ALPK2: variants seen among roughly 807,000 people sequenced by gnomAD.
ALPK2 encodes the protein alpha-protein kinase 2.
A neutral mutation model predicts 163.1 loss-of-function variants in ALPK2; 127 were observed. That is an observed-to-expected ratio of 0.78 (90% CI 0.67 to 0.90). The LOEUF (loss-of-function observed/expected upper bound fraction) is 0.90. ALPK2 is among the 40% of genes least tolerant of loss of function. ALPK2 has a pLI of 0.00. For synonymous variants in ALPK2, 953 were observed against 959.1 expected, an observed-to-expected ratio of 0.99 and a Z score of 0.12; for missense variants, 2,360 against 2,589.6, an observed-to-expected ratio of 0.91 and a Z score of 1.92.
chr18:58,522,719 A>G (rs1187214934), intron 8 of ALPK2, among the ~76,000 whole-genome samples: 1 of 152,126 alleles, frequency 6.6e-6, no homozygotes, highest in Non-Finnish European at 1.5e-5. Flanking sequence ...TCCCATGCAG[A>G]AGGGCTGAAT....
chr18:58,535,469 A>G lies in ALPK2; in HGVS notation c.4718T>C (p.Val1573Ala), dbSNP rs773245029. Residue 1573 changes from valine (V) to alanine (A), a missense_variant, in exon 5 of 13, where the codon GTT (valine) becomes GCT (alanine). Coordinates refer to ENST00000361673, the MANE Select transcript of ALPK2 (RefSeq NM_052947.4). Reference sequence around the variant, plus strand: ...CACATACTGACGCTTTCTGGGCTCAACTATGTCATTTTCAGGGACGTCATG... The same window carrying G: ...CACATACTGACGCTTTCTGGGCTCAGCTATGTCATTTTCAGGGACGTCATG... ...QIHDVPENDIVEPRKRQYVFP... is the reference protein window; with the variant it reads ...QIHDVPENDIAEPRKRQYVFP... 1.5e-5 allele frequency: 25 copies of G among 1,614,076 alleles called. No individual in the cohort carries two copies. Among genetic ancestry groups the G allele is most frequent in the Non-Finnish European group, 2.1e-5 (25 of 1,180,032 alleles).
chr18:58,548,973 T>C (rs2051735005), intron 4 of ALPK2, among the ~76,000 whole-genome samples: 1 of 152,204 alleles, frequency 6.6e-6, no homozygotes, highest in Non-Finnish European at 1.5e-5. Context: ...ATTGATCTCC[T>C]ACCTGAAAAT....
intron 12 of ALPK2, among the ~76,000 whole-genome samples, chr18:58,483,995 G>A (rs754797235): frequency 6.6e-6 from 1 of 152,088 alleles, no homozygotes; most frequent in African/African-American, 2.4e-5. Context: ...TCTGTGAGTG[G>A]ATGAGATGGT....
intron 4 of ALPK2, chr18:58,543,270 T>C (rs2051700433): frequency 1.3e-6 from 1 of 799,532 alleles, no homozygotes; most frequent in African/African-American, 1.9e-5. Context: ...CTGTAAGAAA[T>C]ACATTTCTTT....
Position 58,498,112 on chromosome 18 carries a change from A to T in ALPK2, c.6248-15T>A. 6.2e-7 allele frequency: 1 copy of T among 1,614,050 alleles called. No homozygotes were observed. The highest frequency in any genetic ancestry group is 8.5e-7 in the Non-Finnish European group (1 of 1,179,928). On this transcript the variant is annotated splice_polypyrimidine_tract_variant and intron_variant, in intron 11 of 12. Transcript: ENST00000361673. ...CATTCCTACACCTACAGGAAGAGAA[A>T]GCAAAGATGGGAGTTTGTGTTACTC...
intron 3 of ALPK2, among the ~76,000 whole-genome samples, chr18:58,601,563 C>T (rs755024708): frequency 4.6e-5 from 7 of 152,116 alleles, no homozygotes; most frequent in Non-Finnish European, 7.4e-5. Context: ...CCTGCAGCTC[C>T]GTGACCTTGG....
chr18:58,551,600 C>T (rs2051760644), intron 4 of ALPK2, among the ~76,000 whole-genome samples: 1 of 152,180 alleles, frequency 6.6e-6, no homozygotes, highest in Admixed American at 6.5e-5. Context: ...CTTTTGGCCC[C>T]CCACTCCATG....
intron 10 of ALPK2, among the ~76,000 whole-genome samples, chr18:58,506,834 C>G (rs2051464398): frequency 6.6e-6 from 1 of 152,148 alleles, no homozygotes; most frequent in African/African-American, 2.4e-5. Context: ...GTGCACGTAG[C>G]CTGTTTAGCC....
At chr18:58,496,716 T>C (rs1315465448) in intron 12 of ALPK2, among the ~76,000 whole-genome samples, 1 of 152,222 alleles carries the variant, frequency 6.6e-6, no homozygotes, top group Admixed American at 6.5e-5. Flanking sequence ...CCCACCACTT[T>C]ATTTTCTGTG....
chr18:58,506,909 C>T (rs1568069204), intron 10 of ALPK2, among the ~76,000 whole-genome samples: 1 of 152,124 alleles, frequency 6.6e-6, no homozygotes, highest in Admixed American at 6.6e-5. Flanking sequence ...TCAAAAGTGT[C>T]TCCATAACCA....
In ALPK2 at chr18:58,533,449, ATTT is replaced by A. The variant is rs10578866; in HGVS notation, c.5353+1382_5353+1384del. 3.2e-3 allele frequency among the ~76,000 whole-genome samples: 460 copies of A among 141,558 alleles called. 2 individuals carry two copies. The highest frequency in any genetic ancestry group is 7.8e-3 in the African/African-American group (296 of 37,728). The allele number at this position is 141,558 out of a possible 152,430, so 92.9% of individuals were successfully genotyped here. On this transcript the variant is annotated intron_variant, in intron 5 of 12. Transcript: ENST00000361673. Reference sequence around the variant, plus strand: ...TTGAAACATTGCTTCATTCTATTTAATTTTTTTTTTTTTTTTTGAGACAGGGTC... The same window carrying A: ...TTGAAACATTGCTTCATTCTATTTAATTTTTTTTTTTTTTGAGACAGGGTC...
intron 9 of ALPK2, 123 bp from the exon 10 acceptor site, chr18:58,515,204 C>T: frequency 7.4e-6 from 5 of 679,548 alleles, no homozygotes; most frequent in Non-Finnish European, 1.2e-5. Flanking sequence ...AGCCCATCCC[C>T]TGGTTGGGGT....
intron 4 of ALPK2, among the ~76,000 whole-genome samples, chr18:58,569,207 G>A (rs1029730570): frequency 2.6e-5 from 4 of 152,116 alleles, no homozygotes; most frequent in Non-Finnish European, 5.9e-5. Context: ...GTCTTGGGGG[G>A]GAGAAAAAGT....
intron 12 of ALPK2, among the ~76,000 whole-genome samples, chr18:58,492,241 CAG>C (rs890094633): frequency 1.3e-5 from 2 of 151,992 alleles, no homozygotes; most frequent in African/African-American, 4.8e-5. Flanking sequence ...CACAGGGACA[CAG>C]ACACAGAAAC....
At chr18:58,523,125 C>T (rs968061122) in intron 8 of ALPK2, among the ~76,000 whole-genome samples, 3 of 136,522 alleles carry the variant, frequency 2.2e-5, no homozygotes, top group African/African-American at 8.3e-5. Context: ...CATGTGTTCT[C>T]ATTGTTCAAT....
intron 10 of ALPK2, among the ~76,000 whole-genome samples, chr18:58,507,500 C>T (rs2051467776): frequency 6.6e-6 from 1 of 152,298 alleles, no homozygotes; most frequent in Non-Finnish European, 1.5e-5. Context: ...CATGTGGTTC[C>T]TTTCTCCCTT....
chr18:58,566,681 C>T (rs1027599655), intron 4 of ALPK2: 1 of 152,194 alleles, frequency 6.6e-6, no homozygotes, highest in African/African-American at 2.4e-5. Flanking sequence ...AAAATGCACA[C>T]CTGTTTTGGA....
intron 1 of ALPK2, among the ~76,000 whole-genome samples, chr18:58,623,762 C>A (rs2052214500): frequency 6.6e-6 from 1 of 152,228 alleles, no homozygotes; most frequent in Non-Finnish European, 1.5e-5. Context: ...CGCCACCGTG[C>A]CTGGCTGGTT....
At chr18:58,510,799 G>A (rs898493556) in intron 10 of ALPK2, among the ~76,000 whole-genome samples, 2 of 152,186 alleles carry the variant, frequency 1.3e-5, no homozygotes, top group African/African-American at 4.8e-5. Flanking sequence ...AGATGATGGG[G>A]TTTTCTAGAT....
Sources: allele counts gnomAD v4.1 joint callset (sites outside exome capture counted in the v4.1 genomes callset), GRCh38; gene constraint gnomAD v4.1.1; transcripts MANE v1.5; gene names NCBI Gene and HGNC (gene_info 2026-07-23, HGNC 2026-07-21).